CDH23: variants seen among roughly 807,000 people sequenced by gnomAD.
The protein encoded by CDH23 is cadherin related 23, also known as cadherin-23.
A neutral mutation model predicts 317.1 loss-of-function variants in CDH23; 189 were observed. The observed-to-expected ratio is 0.60, with a 90% CI of 0.53 to 0.67. The LOEUF (loss-of-function observed/expected upper bound fraction) is 0.67, where lower values mean the gene tolerates loss of function less well. Among genes scored for constraint, CDH23 ranks in the 30% least tolerant of loss-of-function variants. The probability of loss-of-function intolerance (pLI) is 0.00; values close to 1 mark genes in which losing one functional copy is unlikely to be tolerated. For synonymous variants in CDH23, 1,839 were observed against 1,876.8 expected (o/e 0.98, Z 0.52); for missense variants, 4,401 against 4,592.4 (o/e 0.96, Z 1.20).
At chr10:71,492,150 A>G (rs1285770532) in intron 3 of CDH23, among the ~76,000 whole-genome samples, 1 of 152,202 alleles carries the variant, frequency 6.6e-6, no homozygotes, top group Non-Finnish European at 1.5e-5. Flanking sequence ...CAGGTGTCAC[A>G]GGTGGCACAG....
At position 71,510,984 on chromosome 10, in the gene CDH23, G is replaced by C; in HGVS notation, c.319G>C (p.Val107Leu). 6.2e-7 allele frequency: 1 copy of C among 1,613,866 alleles called. No individual in the cohort carries two copies. Among genetic ancestry groups the C allele is most frequent in the Non-Finnish European group, 8.5e-7 (1 of 1,179,844 alleles). The change falls in exon 5 of 70, where the codon GTC becomes CTC. Residue 107 changes from valine to leucine, a missense_variant. Physicochemically the swap from Val to Leu is conservative, Grantham distance 32. This residue lies in a region of CDH23 where 3,068 missense variants were observed against 3,203.3 expected (regional missense o/e 0.96). Transcript: ENST00000224721. ...GTCAGAGTTCACCGTGGAGTTCTCT[G>C]TCAGCGACCACCAGGGGGTGAGTGT... ...TKSEFTVEFS[V>L]SDHQGVITRK... is the part of the protein sequence containing the mutation.
rs2132825955 is a variant in CDH23 at position 71,732,310 on chromosome 10, A to T, written c.4039A>T (p.Thr1347Ser). Reference sequence around the variant, plus strand: ...CTCCATCGACAACCTCAACCAAATCACGTACCGCTTCAACGCCTACACCAG... The same window carrying T: ...CTCCATCGACAACCTCAACCAAATCTCGTACCGCTTCAACGCCTACACCAG... ...AYSIDNLNQI[T>S]YRFNAYTSTQ... The change falls in exon 32 of 70, where the codon ACG becomes TCG. Residue 1347 changes from threonine to serine, a missense_variant. Thr to Ser is a moderately conservative substitution (Grantham distance 58). Coordinates refer to ENST00000224721, the MANE Select transcript of CDH23 (RefSeq NM_022124.6). 1 of 1,609,274 alleles carries T rather than the reference A, an allele frequency of 6.2e-7. No homozygotes were observed.
chr10:71,476,243 C>T (rs530262803), intron 3 of CDH23, among the ~76,000 whole-genome samples: 49 of 152,300 alleles, frequency 3.2e-4, no homozygotes, highest in African/African-American at 7.9e-4. Context: ...CGTCCCCACC[C>T]CTTCATGCAG....
Position 71,616,280 on chromosome 10 carries a change from C to T in CDH23, c.945+664C>T, listed in dbSNP as rs116613623. The stretch of plus-strand genomic sequence containing the variant: ...TTGAGAGAAACGGGTGGCCCAAAGA[C>T]TGAGGCCAGGGGCTCTGGGAAGGAG... On this transcript the variant is annotated intron_variant, in intron 10 of 69. Transcript: ENST00000224721. Among the ~76,000 whole-genome samples the T allele has an allele frequency of 8.1e-3, 1,240 of 152,358 alleles. 22 individuals carry two copies. Among genetic ancestry groups the T allele is most frequent in the African/African-American group, 0.029 (1,188 of 41,584 alleles).
intron 3 of CDH23, among the ~76,000 whole-genome samples, chr10:71,472,457 T>C (rs994772590): frequency 6.6e-6 from 1 of 152,198 alleles, no homozygotes; most frequent in East Asian, 1.9e-4. Context: ...TCCCCTCTCT[T>C]CGCAGCTCTA....
At chr10:71,760,634 C>A in intron 38 of CDH23, 2 of 510,170 alleles carry the variant, frequency 3.9e-6, no homozygotes, top group Non-Finnish European at 7.1e-6. Context: ...CAAGGCACAG[C>A]CACTCCAGAG....
chr10:71,681,621 G>C (rs890778949), intron 17 of CDH23, among the ~76,000 whole-genome samples: 28 of 152,192 alleles, frequency 1.8e-4, no homozygotes, highest in Non-Finnish European at 1.3e-4. Flanking sequence ...ATAGCATAAA[G>C]TGGGGAGGAA....
intron 3 of CDH23, among the ~76,000 whole-genome samples, chr10:71,478,314 G>T (rs2132107930): frequency 6.6e-6 from 1 of 152,230 alleles, no homozygotes; most frequent in East Asian, 1.9e-4. Context: ...GCTGTGCCTG[G>T]AGATTCACAG....
intron 6 of CDH23, among the ~76,000 whole-genome samples, chr10:71,543,102 T>C (rs2132292601): frequency 6.6e-6 from 1 of 152,242 alleles, no homozygotes; most frequent in Admixed American, 6.5e-5. Context: ...TGCACAGACT[T>C]ATGAGACGCT....
At chr10:71,525,079 T>C (rs1854954473) in intron 6 of CDH23, among the ~76,000 whole-genome samples, 1 of 150,692 alleles carries the variant, frequency 6.6e-6, no homozygotes, top group Admixed American at 6.6e-5. Flanking sequence ...AGCTAATTTT[T>C]GTATTTTTAG....
rs1160124875 is a variant in CDH23, at chr10:71,720,483, C to G, written c.3370-3562C>G. Reference sequence around the variant, plus strand: ...CCCCAGCCTTCTTTCTCCCCAGAAGCCAGAGCTTCCCTGACAACCAGCTGC... The same window carrying G: ...CCCCAGCCTTCTTTCTCCCCAGAAGGCAGAGCTTCCCTGACAACCAGCTGC... On this transcript the variant is annotated intron_variant, in intron 28 of 69. Coordinates refer to ENST00000224721, the MANE Select transcript of CDH23 (RefSeq NM_022124.6). Among the ~76,000 whole-genome samples, 3 of 151,646 alleles carry G rather than the reference C, an allele frequency of 2.0e-5. No homozygotes were observed. In the East Asian group the frequency reaches 5.8e-4, roughly 29 times the overall value.
At chr10:71,404,232 C>T (rs1847991906) in intron 1 of CDH23, among the ~76,000 whole-genome samples, 1 of 152,242 alleles carries the variant, frequency 6.6e-6, no homozygotes, top group African/African-American at 2.4e-5. Flanking sequence ...CAGAACATCT[C>T]CAGTGCCTTG....
chr10:71,811,613 A>T, intron 64 of CDH23, 23 bp downstream of exon 64: 1 of 1,613,696 alleles, frequency 6.2e-7, no homozygotes, highest in Admixed American at 1.7e-5. Context: ...CACCCCTGCC[A>T]TCAGGGGGCC....
At chr10:71,802,826 C>A in intron 53 of CDH23, 72 bp from the exon 54 acceptor site, 3 of 1,524,152 alleles carry the variant, frequency 2.0e-6, no homozygotes, top group Non-Finnish European at 1.8e-6. Flanking sequence ...CAGGCTTACT[C>A]CTGCATGACC....
intron 4 of CDH23, among the ~76,000 whole-genome samples, chr10:71,510,431 C>G (rs1040750818): frequency 1.3e-5 from 2 of 152,058 alleles, no homozygotes; most frequent in African/African-American, 4.8e-5. Flanking sequence ...AGAGGTGTCT[C>G]CAAGCAAGCA....
intron 66 of CDH23, chr10:71,812,223 C>T: frequency 6.3e-7 from 1 of 1,593,000 alleles, no homozygotes; most frequent in Non-Finnish European, 8.5e-7. Flanking sequence ...GCCTCAAGTT[C>T]CAGGGGATGC....
rs867647774 is a variant in CDH23 at position 71,723,569 on chromosome 10, A to G, written c.3370-476A>G. On this transcript the variant is annotated intron_variant, in intron 28 of 69. Transcript: ENST00000224721. ...AGGGCTCCTGGGCTTCCACGAAGTGACCGTTACAGTGTACAGTGCCGGCTG... is the reference window on the plus strand; with the variant it reads ...AGGGCTCCTGGGCTTCCACGAAGTGGCCGTTACAGTGTACAGTGCCGGCTG... Among the ~76,000 whole-genome samples, 6 of 152,256 alleles carry G rather than the reference A, an allele frequency of 3.9e-5. No individual in the cohort carries two copies. The Middle Eastern group carries it at 0.01, about 259-fold the overall frequency.
chr10:71,561,789 G>A (rs920714334), intron 6 of CDH23, among the ~76,000 whole-genome samples: 1 of 152,024 alleles, frequency 6.6e-6, no homozygotes, highest in African/African-American at 2.4e-5. Context: ...TACATTTGGG[G>A]AGACTTCCTT....
intron 13 of CDH23, 97 bp downstream of exon 13, chr10:71,646,077 A>G (rs1323437242): frequency 1.4e-6 from 2 of 1,432,622 alleles, no homozygotes; most frequent in Non-Finnish European, 1.9e-6. Flanking sequence ...CCCACCTTCC[A>G]CTGCTGCCCA....
Sources: allele counts gnomAD v4.1 joint callset (sites outside exome capture counted in the v4.1 genomes callset), GRCh38; gene constraint gnomAD v4.1.1; regional missense constraint gnomAD v4.1.1; transcripts MANE v1.5; gene names NCBI Gene and HGNC (gene_info 2026-07-23, HGNC 2026-07-21).